The following PICK1 variants were observed in gnomAD, a reference collection of about 807,000 sequenced individuals.
PICK1 encodes PRKCA-binding protein.
In PICK1, 23 loss-of-function variants were observed where a neutral mutation model predicts 48.9. The ratio of observed to expected loss-of-function variants is 0.47; its 90% CI spans 0.34 to 0.67. PICK1 has a LOEUF of 0.67. Among genes scored for constraint, PICK1 ranks in the 30% least tolerant of loss-of-function variants. The probability of loss-of-function intolerance (pLI) is 0.01; values close to 1 mark genes in which losing one functional copy is unlikely to be tolerated. For synonymous variants in PICK1, 217 were observed against 228.2 expected, an observed-to-expected ratio of 0.95 and a Z score of 0.44; for missense variants, 423 against 557.1, an observed-to-expected ratio of 0.76 and a Z score of 2.42.
Position 38,075,016 on chromosome 22 carries a change from T to C in PICK1, c.1132T>C (p.Phe378Leu). Residue 378 changes from phenylalanine to leucine, a missense_variant, in exon 13 of 13, where the codon TTC (phenylalanine) becomes CTC (leucine). Around this residue, in one of 2 missense-constraint regions of PICK1, gnomAD observed 144 missense variants for 139.3 expected, o/e 1.03. Coordinates refer to ENST00000356976, the MANE Select transcript of PICK1 (RefSeq NM_012407.4). ...TLAYGLNQEE[F>L]TDGEEEEEEE... is the part of the protein sequence containing the mutation. Reference sequence around the variant, plus strand: ...GGCCTATGGCCTCAACCAGGAGGAGTTCACAGATGGGGAGGAGGAGGAGGA... The same window carrying C: ...GGCCTATGGCCTCAACCAGGAGGAGCTCACAGATGGGGAGGAGGAGGAGGA... 6.2e-7 allele frequency: 1 copy of C among 1,612,838 alleles called. No individual in the cohort carries two copies. Among genetic ancestry groups the C allele is most frequent in the South Asian group, 1.1e-5 (1 of 91,046 alleles).
At chr22:38,068,071 G>C in intron 5 of PICK1, 1 of 533,736 alleles carries the variant, frequency 1.9e-6, no homozygotes, top group Non-Finnish European at 3.7e-6. Context: ...GTCCTTTGCA[G>C]GCCAGCGCCT....
chr22:38,057,289 C>G (rs1280177461), upstream of PICK1: 2 of 181,784 alleles, frequency 1.1e-5, no homozygotes, highest in Non-Finnish European at 2.4e-5. Context: ...TACTTGTTCT[C>G]GTTCTTGGTT....
chr22:38,072,335 C>G, intron 8 of PICK1, 142 bp from the exon 9 acceptor site: 1 of 969,888 alleles, frequency 1.0e-6, no homozygotes, highest in Non-Finnish European at 1.5e-6. Context: ...GGGGTTTAGA[C>G]CAGCTCTCTT....
chr22:38,058,154 T>C, intron 2 of PICK1: 1 of 459,542 alleles, frequency 2.2e-6, no homozygotes, highest in African/African-American at 2.0e-5. Context: ...GACGTAGCAA[T>C]TGAACCAGGT....
intron 5 of PICK1, among the ~76,000 whole-genome samples, chr22:38,068,268 C>A (rs1193379609): frequency 6.6e-6 from 1 of 152,212 alleles, no homozygotes; most frequent in East Asian, 1.9e-4. Context: ...GGACAAGTTC[C>A]CTCCTGTTAG....
chr22:38,059,427 A>G (rs1569194803), intron 3 of PICK1, 82 bp downstream of exon 3: 1 of 930,274 alleles, frequency 1.1e-6, no homozygotes, highest in East Asian at 2.6e-5. Context: ...CACACTGCAT[A>G]GCTGACTCCT....
chr22:38,073,941 G>A lies in PICK1; in HGVS notation c.834+118G>A, dbSNP rs1019641068. 3 of 1,037,012 alleles carry A rather than the reference G, an allele frequency of 2.9e-6. No individual in the cohort carries two copies. The highest frequency in any genetic ancestry group is 3.1e-5 in the African/African-American group (2 of 63,816). 64.2% of individuals were successfully genotyped at this position (1,037,012 alleles called of 1,614,324 possible). On this transcript the variant is annotated intron_variant, in intron 11 of 12. Transcript: ENST00000356976. The surrounding 1 kb of genome is among the most constrained non-coding windows in gnomAD (Gnocchi z 5.7). ...GGGACTTGGCTGGACTCTCGTTCCT[G>A]GAGATTTAGGGCCATCTTCCCAGTC...
chr22:38,074,070 C>A lies in PICK1; in HGVS notation c.835-237C>A. The A allele has an allele frequency of 7.9e-6, 5 of 629,936 alleles. No homozygotes were observed. Among genetic ancestry groups the A allele is most frequent in the South Asian group, 7.8e-5 (4 of 51,438 alleles). The allele number at this position is 629,936 out of a possible 1,614,324, so 39.0% of individuals were successfully genotyped here. On this transcript the variant is annotated intron_variant, in intron 11 of 12. Transcript: ENST00000356976. This position sits in a 1 kb window ranked among gnomAD's most constrained non-coding sequence, Gnocchi z 4.5. Reference sequence around the variant, plus strand: ...GGATTTTCTTCACTCCTATGAGGCGCTTTTAAGTGTTTGATTTTTCTGCTG... The same window carrying A: ...GGATTTTCTTCACTCCTATGAGGCGATTTTAAGTGTTTGATTTTTCTGCTG...
intron 3 of PICK1, among the ~76,000 whole-genome samples, chr22:38,059,980 G>A (rs1204161291): frequency 6.6e-6 from 1 of 152,234 alleles, no homozygotes; most frequent in African/African-American, 2.4e-5. Flanking sequence ...TTGGGAGGCC[G>A]AGGTGGGTGG....
In PICK1 at chr22:38,073,867, G is replaced by A; in HGVS notation, c.834+44G>A. The A allele has an allele frequency of 6.3e-7, 1 of 1,588,398 alleles. No homozygotes were observed. The highest frequency in any genetic ancestry group is 8.6e-7 in the Non-Finnish European group (1 of 1,157,270). ...GGGGGGCTTGTACTTCCCCCCACCT[G>A]GTCTGCCAGGGATAGCAGGTGGCTC... On this transcript the variant is annotated intron_variant, in intron 11 of 12. Transcript: ENST00000356976. The surrounding 1 kb of genome is among the most constrained non-coding windows in gnomAD (Gnocchi z 5.7).
At chr22:38,061,926 C>T (rs559773800) in intron 3 of PICK1, among the ~76,000 whole-genome samples, 55 of 152,288 alleles carry the variant, frequency 3.6e-4, no homozygotes, top group Non-Finnish European at 6.9e-4. Context: ...TCCTCTCATC[C>T]CACCTTTCCA....
intron 4 of PICK1, among the ~76,000 whole-genome samples, chr22:38,065,944 C>A (rs949288290): frequency 6.6e-6 from 1 of 152,186 alleles, no homozygotes; most frequent in Non-Finnish European, 1.5e-5. Flanking sequence ...CACTTCCATC[C>A]TCCGGGTTCT....
At chr22:38,059,378 C>T (rs1456840253) in intron 3 of PICK1, 33 bp downstream of exon 3, 9 of 1,375,088 alleles carry the variant, frequency 6.5e-6, no homozygotes, top group Non-Finnish European at 9.1e-6. Context: ...GCACAAGGTA[C>T]ATCCCTACTT....
intron 3 of PICK1, 50 bp from the exon 4 acceptor site, chr22:38,064,952 C>G: frequency 2.5e-6 from 4 of 1,609,532 alleles, no homozygotes; most frequent in Middle Eastern, 1.9e-4. Context: ...TCCCAGGTTC[C>G]ATCTTAGCCC....
chr22:38,063,230 C>T (rs1433736552), intron 3 of PICK1, among the ~76,000 whole-genome samples: 1 of 151,614 alleles, frequency 6.6e-6, no homozygotes, highest in African/African-American at 2.4e-5. Context: ...GATCATGGCT[C>T]ACTGCAGCCT....
rs142805203 is a variant in PICK1, at chr22:38,072,550, C to T, written c.630C>T (p.Phe210=). ...QPAASEAFVK[F]ADAHRSIEKF... ...CTGCGAGCGAGGCTTTTGTGAAGTT[C>T]GCCGATGCCCACCGCAGCATCGAGA... Residue 210 remains phenylalanine (F), a synonymous_variant, in exon 9 of 13, where the codon TTC becomes TTT. Coordinates refer to ENST00000356976, the MANE Select transcript of PICK1 (RefSeq NM_012407.4). 7.2e-5 allele frequency: 116 copies of T among 1,613,452 alleles called. 2 individuals carry two copies. In the African/African-American group the frequency reaches 1.3e-3, roughly 17 times the overall value.
Position 38,074,873 on chromosome 22 carries a change from TC to T in PICK1, c.990del (p.Ile330MetfsTer33). The T allele has an allele frequency of 6.2e-7, 1 of 1,612,270 alleles. No homozygotes were observed. Among genetic ancestry groups the T allele is most frequent in the Non-Finnish European group, 8.5e-7 (1 of 1,179,978 alleles). ...ELLDQKHVQD[I>X]VFQLQRLVST... ...CGACCTCCCACCCCAGTCCAGGACA[TC>T]GTGTTCCAGCTGCAGCGCCTCGTGT... On this transcript the variant is annotated frameshift_variant, in exon 13 of 13. Transcript: ENST00000356976. LOFTEE classifies it high-confidence loss of function. The surrounding 1 kb of genome is among the most constrained non-coding windows in gnomAD (Gnocchi z 4.5).
At position 38,075,213 on chromosome 22, in the gene PICK1, G is replaced by A. The variant is rs2085812278; in HGVS notation, c.*81G>A. 1.7e-5 allele frequency: 24 copies of A among 1,403,652 alleles called. No homozygotes were observed. The highest frequency in any genetic ancestry group is 2.3e-5 in the Non-Finnish European group (24 of 1,042,776). The allele number at this position is 1,403,652 out of a possible 1,614,324, so 86.9% of individuals were successfully genotyped here. ...GCGGGGCGGGGCCGCCGCGCAAGGG[G>A]GCGACGCATAAAGGCCTGCTGGCTT... is the stretch of plus-strand genomic sequence containing the variant. On this transcript the variant is annotated 3_prime_UTR_variant, in exon 13 of 13. Transcript: ENST00000356976.
At position 38,069,024 on chromosome 22, in the gene PICK1, C is replaced by G; in HGVS notation, c.350-9C>G. 1 of 1,610,342 alleles carries G rather than the reference C, an allele frequency of 6.2e-7. No homozygotes were observed. ...CACAGACTCACCAGGTCCTTTGTCC[C>G]CCGCTCAGTGTTGAAGAAAGTCAAG... On this transcript the variant is annotated splice_polypyrimidine_tract_variant and intron_variant, in intron 5 of 12. Transcript: ENST00000356976.
Sources: gnomAD v4.1 joint callset for allele counts (sites outside exome capture counted in the v4.1 genomes callset) on GRCh38, gnomAD v4.1.1 for gene constraint, gnomAD v4.1.1 regional missense constraint, Gnocchi (gnomAD v3.1) non-coding constraint, MANE v1.5 for transcripts, NCBI Gene and HGNC (gene_info 2026-07-23, HGNC 2026-07-21) for gene names.